Variants in CRADD observed in about 807,000 individuals in gnomAD.
The protein encoded by CRADD is death domain-containing protein CRADD.
Under a neutral mutation model 15.5 loss-of-function variants are expected in CRADD, and 9 were observed. The observed-to-expected ratio is 0.58, with a 90% CI of 0.35 to 1.01. The LOEUF is 1.01. CRADD is among the 50% of genes least tolerant of loss of function. The pLI, the probability that CRADD is intolerant of heterozygous loss-of-function variation, is 0.02. For missense variants in CRADD, 227 were observed against 250.3 expected, an observed-to-expected ratio of 0.91 and a Z score of 0.63; for synonymous variants, 118 against 107.6, an observed-to-expected ratio of 1.10 and a Z score of -0.60.
At chr12:93,748,099 A>G (rs958361962) in intron 2 of CRADD, among the ~76,000 whole-genome samples, 3 of 152,190 alleles carry the variant, frequency 2.0e-5, no homozygotes, top group Admixed American at 6.5e-5. Flanking sequence ...GCATCCCAGA[A>G]TGGTAGAGAA....
At chr12:93,835,453 G>A (rs1029075175) in intron 2 of CRADD, among the ~76,000 whole-genome samples, 4 of 152,100 alleles carry the variant, frequency 2.6e-5, no homozygotes, top group African/African-American at 7.2e-5. Flanking sequence ...TTGTAAAAAC[G>A]AAGTATGCTC....
intron 2 of CRADD, among the ~76,000 whole-genome samples, chr12:93,833,743 A>ATT (rs35954014): frequency 1.3e-5 from 2 of 151,790 alleles, no homozygotes; most frequent in Admixed American, 6.6e-5. Context: ...TTGAACAAAC[A>ATT]TTTTTTCACA....
At chr12:93,757,718 T>C (rs940094914) in intron 2 of CRADD, among the ~76,000 whole-genome samples, 3 of 152,214 alleles carry the variant, frequency 2.0e-5, no homozygotes, top group African/African-American at 7.2e-5. Flanking sequence ...AGGACATTGT[T>C]TGCTCAGCCT....
At chr12:93,861,696 T>C (rs1214811494) in intron 2 of CRADD, among the ~76,000 whole-genome samples, 1 of 152,186 alleles carries the variant, frequency 6.6e-6, no homozygotes, top group Non-Finnish European at 1.5e-5. Flanking sequence ...TCCACAGGCA[T>C]TGATTCCAAG....
At chr12:93,894,162 T>C (rs932605771) in exon 3 of CRADD, 15 of 702,202 alleles carry the variant, frequency 2.1e-5, no homozygotes, top group Non-Finnish European at 3.6e-5. Flanking sequence ...CCCTACCCTC[T>C]TTCCTCTACA....
intron 2 of CRADD, among the ~76,000 whole-genome samples, chr12:93,874,628 T>C (rs1958446317): frequency 6.6e-6 from 1 of 151,822 alleles, no homozygotes; most frequent in African/African-American, 2.4e-5. Context: ...TTGGTACCAT[T>C]TCTTTCAAGA....
At chr12:93,882,068 G>A (rs1047063431) in intron 2 of CRADD, among the ~76,000 whole-genome samples, 1 of 151,904 alleles carries the variant, frequency 6.6e-6, no homozygotes, top group African/African-American at 2.4e-5. Context: ...AGGTTGCAGT[G>A]AGCTGAAATC....
At chr12:93,820,859 G>A (rs1438783187) in intron 2 of CRADD, among the ~76,000 whole-genome samples, 1 of 152,156 alleles carries the variant, frequency 6.6e-6, no homozygotes, top group East Asian at 1.9e-4. Context: ...GCTCTGTCCT[G>A]TCACCTGCAG....
At chr12:93,874,439 G>T (rs915886925) in intron 2 of CRADD, among the ~76,000 whole-genome samples, 5 of 151,270 alleles carry the variant, frequency 3.3e-5, no homozygotes, top group Middle Eastern at 3.2e-3. Context: ...ATTTATTTCT[G>T]TTCTGATCTT....
intron 2 of CRADD, among the ~76,000 whole-genome samples, chr12:93,808,602 A>G (rs917285495): frequency 2.6e-5 from 4 of 152,144 alleles, no homozygotes; most frequent in Non-Finnish European, 2.9e-5. Flanking sequence ...AAGGAAGCCA[A>G]TGAGACTAGC....
intron 2 of CRADD, among the ~76,000 whole-genome samples, chr12:93,680,802 A>G (rs1446483775): frequency 2.0e-5 from 3 of 152,242 alleles, no homozygotes; most frequent in African/African-American, 7.2e-5. Context: ...AAAGCCTTTC[A>G]CTATCAAAAT....
At chr12:93,851,818 G>A (rs79859973), downstream of CRADD, among the ~76,000 whole-genome samples, 4,694 of 152,244 alleles carry the variant, frequency 0.031, 243 homozygotes, top group African/African-American at 0.1. Context: ...AAAAAATCAT[G>A]TTTTTTATTT....
chr12:93,820,593 C>T (rs921475954), intron 2 of CRADD, among the ~76,000 whole-genome samples: 2 of 151,804 alleles, frequency 1.3e-5, no homozygotes, highest in East Asian at 1.9e-4. Flanking sequence ...TCTGAGAAGA[C>T]GCATCACTGG....
intron 2 of CRADD, among the ~76,000 whole-genome samples, chr12:93,688,909 C>T (rs1705540198): frequency 1.3e-5 from 2 of 152,204 alleles, no homozygotes; most frequent in Admixed American, 6.5e-5. Flanking sequence ...TTCTTCCAGA[C>T]ACACAGCCTC....
chr12:93,865,123 G>A (rs957401531), intron 2 of CRADD, among the ~76,000 whole-genome samples: 3 of 152,166 alleles, frequency 2.0e-5, no homozygotes, highest in African/African-American at 7.2e-5. Context: ...AGGAGTAGTA[G>A]TAGATGCTAA....
intron 2 of CRADD, among the ~76,000 whole-genome samples, chr12:93,768,305 A>ACATTCATATTGC (rs1565906500): frequency 6.6e-6 from 1 of 152,262 alleles, no homozygotes; most frequent in Non-Finnish European, 1.5e-5. Flanking sequence ...AAAGGATTCA[A>ACATTCATATTGC]CATTCATATT....
intron 2 of CRADD, among the ~76,000 whole-genome samples, chr12:93,869,922 T>C (rs1169143161): frequency 6.6e-6 from 1 of 152,166 alleles, no homozygotes; most frequent in African/African-American, 2.4e-5. Flanking sequence ...ATTGTCAGTT[T>C]ATGAATCTAA....
chr12:93,864,615 C>T (rs1958348241), intron 2 of CRADD, among the ~76,000 whole-genome samples: 1 of 152,182 alleles, frequency 6.6e-6, no homozygotes, highest in Non-Finnish European at 1.5e-5. Context: ...GCATTTGCCT[C>T]CTTGAAATGT....
chr12:93,693,501 G>T (rs1955623614), intron 2 of CRADD, among the ~76,000 whole-genome samples: 1 of 151,826 alleles, frequency 6.6e-6, no homozygotes, highest in South Asian at 2.1e-4. Flanking sequence ...AGACAAAGAG[G>T]GTCATTATGT....
Sources: gnomAD v4.1 joint callset for allele counts (sites outside exome capture counted in the v4.1 genomes callset) on GRCh38, gnomAD v4.1.1 for gene constraint, MANE v1.5 for transcripts, NCBI Gene and HGNC (gene_info 2026-07-23, HGNC 2026-07-21) for gene names.